The following RAB21 variants were observed in gnomAD, a reference collection of about 807,000 sequenced individuals.
The protein encoded by RAB21 is RAB21, member RAS oncogene family, also known as ras-related protein Rab-21.
RAB21 carries 13 observed loss-of-function variants against 33.1 expected under a neutral mutation model. The observed-to-expected ratio is 0.39, with a 90% CI of 0.26 to 0.62. The LOEUF is 0.62. RAB21 is among the 20% of genes least tolerant of loss of function. The probability of loss-of-function intolerance (pLI) is 0.48; values close to 1 mark genes in which losing one functional copy is unlikely to be tolerated. For synonymous variants in RAB21, 91 were observed against 103.7 expected (o/e 0.88, Z 0.74); for missense variants, 234 against 279.1 (o/e 0.84, Z 1.15).
At chr12:71,762,045 T>G (rs1271614566) in intron 1 of RAB21, among the ~76,000 whole-genome samples, 2 of 152,212 alleles carry the variant, frequency 1.3e-5, no homozygotes, top group African/African-American at 4.8e-5. Context: ...CTTTTTCTGC[T>G]TAGTATTTAA....
At position 71,782,574 on chromosome 12, in the gene RAB21, G is replaced by A; in HGVS notation, c.451G>A (p.Ala151Thr). The A allele has an allele frequency of 6.3e-7, 1 of 1,586,590 alleles. No homozygotes were observed. Among genetic ancestry groups the A allele is most frequent in the Non-Finnish European group, 8.6e-7 (1 of 1,162,998 alleles). The change falls in exon 6 of 7, where the codon GCA becomes ACA. Residue 151 changes from alanine (A) to threonine (T), a missense_variant. Physicochemically the swap from Ala to Thr is moderately conservative, Grantham distance 58 (BLOSUM62 0). Coordinates refer to ENST00000261263, the MANE Select transcript of RAB21 (RefSeq NM_014999.4). ...HVSIQEAESYAESVGAKHYHT... is the reference protein window; with the variant it reads ...HVSIQEAESYTESVGAKHYHT... ...CCGATGTTACTTTTTTTTAAGGTAT[G>A]CAGAATCTGTGGGAGCAAAACATTA...
chr12:71,776,187 A>G (rs1883116816), intron 4 of RAB21, among the ~76,000 whole-genome samples: 1 of 152,210 alleles, frequency 6.6e-6, no homozygotes, highest in African/African-American at 2.4e-5. Flanking sequence ...GAAATTACTA[A>G]CACATACATA....
intron 4 of RAB21, among the ~76,000 whole-genome samples, chr12:71,774,792 A>G (rs1883096436): frequency 1.3e-5 from 2 of 151,648 alleles, no homozygotes; most frequent in African/African-American, 2.4e-5. Flanking sequence ...TAGGATTTAG[A>G]AGTGATTTTC....
chr12:71,756,428 A>G (rs1405806203), intron 1 of RAB21, among the ~76,000 whole-genome samples: 4 of 152,180 alleles, frequency 2.6e-5, no homozygotes, highest in African/African-American at 9.7e-5. Flanking sequence ...AGTATGTGAG[A>G]ACATCGACAC....
chr12:71,758,875 G>T (rs1882828987), intron 1 of RAB21, among the ~76,000 whole-genome samples: 1 of 152,138 alleles, frequency 6.6e-6, no homozygotes, highest in African/African-American at 2.4e-5. Context: ...CAGGTGTGGT[G>T]GTTTGAACTG....
chr12:71,758,977 C>T (rs1882830491), intron 1 of RAB21, among the ~76,000 whole-genome samples: 1 of 152,160 alleles, frequency 6.6e-6, no homozygotes, highest in Admixed American at 6.5e-5. Flanking sequence ...GGGAAGCTCT[C>T]AGAATTTCTC....
Position 71,798,711 on chromosome 12 carries a change from T to C in RAB21, c.*13038T>C, listed in dbSNP as rs1484700664. The stretch of plus-strand genomic sequence containing the variant: ...ATTAATCAAGAAAGACTTTTTAGTT[T>C]TATAAAACATTGTAATATTCTAGAT... On this transcript the variant is annotated 3_prime_UTR_variant, in exon 7 of 7. Coordinates refer to ENST00000261263, the MANE Select transcript of RAB21 (RefSeq NM_014999.4). 2 of 152,204 alleles carry C rather than the reference T, an allele frequency of 1.3e-5. No homozygotes were observed. The highest frequency in any genetic ancestry group is 4.8e-5 in the African/African-American group (2 of 41,446). 9.4% of individuals were successfully genotyped at this position (152,204 alleles called of 1,614,324 possible).
chr12:71,776,519 A>G (rs906733420), intron 4 of RAB21, among the ~76,000 whole-genome samples: 8 of 152,186 alleles, frequency 5.3e-5, no homozygotes, highest in African/African-American at 7.2e-5. Context: ...CTGGTAGCCT[A>G]TTGCCTCAGG....
At position 71,797,861 on chromosome 12, in the gene RAB21, G is replaced by C. The variant is rs1883485214; in HGVS notation, c.*12188G>C. 6.6e-6 allele frequency: 1 copy of C among 151,924 alleles called. No homozygotes were observed. Among genetic ancestry groups the C allele is most frequent in the African/African-American group, 2.4e-5 (1 of 41,360 alleles). 9.4% of individuals were successfully genotyped at this position (151,924 alleles called of 1,614,324 possible). On this transcript the variant is annotated 3_prime_UTR_variant, in exon 7 of 7. Coordinates refer to ENST00000261263, the MANE Select transcript of RAB21 (RefSeq NM_014999.4). ...TATGGTTTATTCATTAAAGGTAGTA[G>C]GACACTTGGGTAGCTATAGAGAACA...
chr12:71,770,466 A>T, intron 2 of RAB21, 126 bp from the exon 3 acceptor site: 1 of 685,570 alleles, frequency 1.5e-6, no homozygotes, highest in Non-Finnish European at 2.5e-6. Flanking sequence ...TGTTTCTGTT[A>T]ATAGGGTTTT....
chr12:71,771,458 GT>G (rs1299178034), intron 3 of RAB21, among the ~76,000 whole-genome samples: 1 of 151,968 alleles, frequency 6.6e-6, no homozygotes, highest in Non-Finnish European at 1.5e-5. Flanking sequence ...TGTTTGTTTT[GT>G]TTTTTCTCTT....
chr12:71,780,337 T>C (rs11830831), intron 4 of RAB21, among the ~76,000 whole-genome samples: 6,513 of 152,288 alleles, frequency 0.043, 332 homozygotes, highest in East Asian at 0.13. Flanking sequence ...CTACTTTTAG[T>C]AGGAGACTAT....
At chr12:71,776,124 A>C in intron 4 of RAB21, among the ~76,000 whole-genome samples, 1 of 152,308 alleles carries the variant, frequency 6.6e-6, no homozygotes, top group South Asian at 2.1e-4. Context: ...GCCACAGTAG[A>C]TGAATGACTG....
rs911800014 is a variant in RAB21 at position 71,786,321 on chromosome 12, CTTTAT to C, written c.*651_*655del. The C allele has an allele frequency of 3.3e-5, 5 of 152,524 alleles. No homozygotes were observed. Among genetic ancestry groups the C allele is most frequent in the African/African-American group, 9.7e-5 (4 of 41,408 alleles). 9.4% of individuals were successfully genotyped at this position (152,524 alleles called of 1,614,324 possible). On this transcript the variant is annotated 3_prime_UTR_variant, in exon 7 of 7. Transcript: ENST00000261263. ...TCATTTATATTCTTTCAAATCAAAT[CTTTAT>C]TTAATAACTTATATATGTTGTTGGA...
intron 4 of RAB21, among the ~76,000 whole-genome samples, chr12:71,781,225 T>G (rs2137656578): frequency 6.6e-6 from 1 of 152,284 alleles, no homozygotes; most frequent in Admixed American, 6.5e-5. Context: ...ATCCTAGCAC[T>G]TTGGGAGGCC....
chr12:71,761,111 G>A (rs1249146360), intron 1 of RAB21, among the ~76,000 whole-genome samples: 1 of 152,068 alleles, frequency 6.6e-6, no homozygotes, highest in South Asian at 2.1e-4. Flanking sequence ...GGAGGCTGAG[G>A]CTGGTGGATC....
rs150297735 is a variant in RAB21 at position 71,769,474 on chromosome 12, C to G, written c.160-326C>G. ...TTTTATCTTAGAAATCTCTTAGACT[C>G]TTTCTTTCTGTGATAAGGTAGCATC... On this transcript the variant is annotated intron_variant, in intron 1 of 6. Transcript: ENST00000261263. Among the ~76,000 whole-genome samples the G allele has an allele frequency of 3.4e-3, 515 of 152,088 alleles. 7 individuals are homozygous for G. The highest frequency in any genetic ancestry group is 0.02 in the Middle Eastern group (6 of 294).
Position 71,795,902 on chromosome 12 carries a change from T to C in RAB21, c.*10229T>C, listed in dbSNP as rs899438369. 3 of 138,316 alleles carry C rather than the reference T, an allele frequency of 2.2e-5. 1 individual carries two copies. Among genetic ancestry groups the C allele is most frequent in the Admixed American group, 1.5e-4 (2 of 13,484 alleles). 8.6% of individuals were successfully genotyped at this position (138,316 alleles called of 1,614,324 possible). ...AGATAATTTTGCTGTTTTTGCTTTT[T>C]ATTTATTTGCAACTAGAAATTGCAT... On this transcript the variant is annotated 3_prime_UTR_variant, in exon 7 of 7. Coordinates refer to ENST00000261263, the MANE Select transcript of RAB21 (RefSeq NM_014999.4).
At chr12:71,772,471 CA>C (rs1420149380) in intron 3 of RAB21, among the ~76,000 whole-genome samples, 2 of 152,092 alleles carry the variant, frequency 1.3e-5, no homozygotes, top group African/African-American at 4.8e-5. Context: ...GGAAGATTAG[CA>C]AAGAATTTGT....
Sources: allele counts gnomAD v4.1 joint callset (sites outside exome capture counted in the v4.1 genomes callset), GRCh38; gene constraint gnomAD v4.1.1; transcripts MANE v1.5; gene names NCBI Gene and HGNC (gene_info 2026-07-23, HGNC 2026-07-21).